Variants in CCDC12 observed in about 807,000 individuals in gnomAD.
CCDC12 encodes coiled-coil domain-containing protein 12.
Under a neutral mutation model 25.7 loss-of-function variants are expected in CCDC12, and 28 were observed. The observed-to-expected ratio is 1.09, with a 90% CI of 0.81 to 1.50. CCDC12 has a LOEUF of 1.50. CCDC12 is among the 40% of genes most tolerant of loss of function. The pLI, the probability that CCDC12 is intolerant of heterozygous loss-of-function variation, is 0.00. For missense variants in CCDC12, 198 were observed against 210.0 expected, an observed-to-expected ratio of 0.94 and a Z score of 0.35; for synonymous variants, 75 against 87.7, an observed-to-expected ratio of 0.86 and a Z score of 0.81.
chr3:46,957,992 CACACAT>C (rs1319927234), intron 1 of CCDC12, among the ~76,000 whole-genome samples: 1 of 146,948 alleles, frequency 6.8e-6, no homozygotes, highest in African/African-American at 2.5e-5. Flanking sequence ...CACACACACA[CACACAT>C]ATATATGTAA....
rs200462081 is a variant in CCDC12 at position 46,923,636 on chromosome 3, C to T, written c.277G>A (p.Ala93Thr). ...TCCTCGATGACGGGCTCGGGCTTGG[C>T]GGCCTCCAGCTGCTCCTTCACCTTC... is the stretch of plus-strand genomic sequence containing the variant. ...EEKVKEQLEA[A>T]KPEPVIEEVD... Residue 93 changes from alanine to threonine, a missense_variant, in exon 4 of 7, where the codon GCC becomes ACC. Coordinates refer to ENST00000683445, the MANE Select transcript of CCDC12 (RefSeq NM_001277074.2). The T allele has an allele frequency of 2.8e-4, 438 of 1,580,770 alleles. No homozygotes were observed. The highest frequency in any genetic ancestry group is 3.7e-4 in the Non-Finnish European group (426 of 1,162,890).
At chr3:46,930,731 TC>T (rs2033172242) in intron 2 of CCDC12, among the ~76,000 whole-genome samples, 2 of 151,966 alleles carry the variant, frequency 1.3e-5, no homozygotes, top group South Asian at 4.2e-4. Flanking sequence ...GCTACACACT[TC>T]CCCGTCCATC....
At chr3:46,944,629 C>G (rs2033836077) in intron 1 of CCDC12, among the ~76,000 whole-genome samples, 1 of 152,092 alleles carries the variant, frequency 6.6e-6, no homozygotes. Flanking sequence ...TCTACCACCT[C>G]CTTAGCTCCC....
At chr3:46,973,115 G>A (rs952485103) in intron 1 of CCDC12, among the ~76,000 whole-genome samples, 2 of 151,944 alleles carry the variant, frequency 1.3e-5, no homozygotes, top group African/African-American at 4.8e-5. Context: ...AGCACTTTGG[G>A]AGGCCGAGGT....
chr3:46,924,185 C>T (rs1291183855), intron 3 of CCDC12: 1 of 152,732 alleles, frequency 6.5e-6, no homozygotes, highest in Non-Finnish European at 1.5e-5. Flanking sequence ...GAGGGTCCTG[C>T]CCCTTGGGGA....
rs1011179630 is a variant in CCDC12, at chr3:46,954,109, G to A, written c.97-13044C>T. On this transcript the variant is annotated intron_variant, in intron 1 of 6. Coordinates refer to ENST00000683445, the MANE Select transcript of CCDC12 (RefSeq NM_001277074.2). Reference sequence around the variant, plus strand: ...AACCCCTTCCCCATTGCCTCACAGTGGACAGTCAGAGGAATCAGGCACAGG... The same window carrying A: ...AACCCCTTCCCCATTGCCTCACAGTAGACAGTCAGAGGAATCAGGCACAGG... 1.4e-3 allele frequency among the ~76,000 whole-genome samples: 21 copies of A among 15,510 alleles called. No individual in the cohort carries two copies. The Admixed American group carries it at 0.034, about 25-fold the overall frequency. 10.2% of individuals were successfully genotyped at this position (15,510 alleles called of 152,430 possible).
At chr3:46,949,135 G>C (rs1392719039) in intron 1 of CCDC12, among the ~76,000 whole-genome samples, 3 of 152,184 alleles carry the variant, frequency 2.0e-5, no homozygotes, top group African/African-American at 7.2e-5. Flanking sequence ...GATTCTCAAG[G>C]GGGTGGTGAC....
At chr3:46,960,461 C>T (rs1277653757) in intron 1 of CCDC12, among the ~76,000 whole-genome samples, 1 of 152,292 alleles carries the variant, frequency 6.6e-6, no homozygotes, top group East Asian at 1.9e-4. Context: ...GGTGCCCTGC[C>T]CTGAAAACAA....
At chr3:46,937,610 C>T (rs1438410635) in intron 2 of CCDC12, among the ~76,000 whole-genome samples, 2 of 152,224 alleles carry the variant, frequency 1.3e-5, no homozygotes, top group African/African-American at 2.4e-5. Context: ...GGGGCTATGG[C>T]CTAGGGGGTT....
chr3:46,977,523 C>T (rs2035032990), upstream of CCDC12, among the ~76,000 whole-genome samples: 1 of 150,332 alleles, frequency 6.7e-6, no homozygotes, highest in African/African-American at 2.4e-5. Context: ...ACTTCGATCC[C>T]ACCCTAATAC....
chr3:46,964,221 A>G (rs1473579335), intron 1 of CCDC12, among the ~76,000 whole-genome samples: 1 of 149,094 alleles, frequency 6.7e-6, no homozygotes, highest in African/African-American at 2.5e-5. Context: ...TCTGCCCGGC[A>G]GCTGCCCCGT....
At chr3:46,960,831 T>C (rs1214458747) in intron 1 of CCDC12, among the ~76,000 whole-genome samples, 1 of 152,026 alleles carries the variant, frequency 6.6e-6, no homozygotes, top group Non-Finnish European at 1.5e-5. Context: ...CTGCTGAAGG[T>C]GTATGTGTAG....
At chr3:46,972,201 G>A (rs1041077503) in intron 1 of CCDC12, among the ~76,000 whole-genome samples, 1 of 152,230 alleles carries the variant, frequency 6.6e-6, no homozygotes, top group Non-Finnish European at 1.5e-5. Context: ...AGGTGCGGTG[G>A]TTCACACCTG....
intron 5 of CCDC12, 92 bp from the exon 6 acceptor site, chr3:46,922,404 G>C (rs1262532394): frequency 1.4e-6 from 2 of 1,426,244 alleles, no homozygotes; most frequent in East Asian, 2.3e-5. Context: ...CTGGCATTAG[G>C]AGTCATGCTC....
intron 2 of CCDC12, among the ~76,000 whole-genome samples, chr3:46,925,864 G>T (rs1480218792): frequency 6.6e-6 from 1 of 152,248 alleles, no homozygotes; most frequent in East Asian, 1.9e-4. Context: ...TAAGGGGACT[G>T]GAGGTCAGAG....
At chr3:46,969,792 G>A (rs2034748588) in intron 1 of CCDC12, among the ~76,000 whole-genome samples, 3 of 152,150 alleles carry the variant, frequency 2.0e-5, no homozygotes, top group Admixed American at 6.6e-5. Context: ...AAGTCAGGCT[G>A]AAGGGAGCAA....
At chr3:46,953,347 C>T (rs559913199) in intron 1 of CCDC12, among the ~76,000 whole-genome samples, 5 of 152,172 alleles carry the variant, frequency 3.3e-5, no homozygotes, top group African/African-American at 9.6e-5. Context: ...GGGTAAGAGT[C>T]CTATATTACA....
In CCDC12 at chr3:46,941,115, C is replaced by T; in HGVS notation, c.97-50G>A. On this transcript the variant is annotated intron_variant, in intron 1 of 6. Coordinates refer to ENST00000683445, the MANE Select transcript of CCDC12 (RefSeq NM_001277074.2). ...CAGCTCAGTTGAAAGCTCCTACTTC[C>T]AGTCCACGTGGCCCAGGGAGCTAAA... 3.8e-6 allele frequency: 6 copies of T among 1,576,502 alleles called. No homozygotes were observed. The South Asian group carries it at 5.5e-5, about 15-fold the overall frequency.
chr3:46,978,391 G>T (rs1337289267), upstream of CCDC12, among the ~76,000 whole-genome samples: 1 of 152,134 alleles, frequency 6.6e-6, no homozygotes, highest in African/African-American at 2.4e-5. Context: ...GGCCAACCAA[G>T]GTCTAGGAGT....
Sources: gnomAD v4.1 joint callset for allele counts (sites outside exome capture counted in the v4.1 genomes callset) on GRCh38, gnomAD v4.1.1 for gene constraint, MANE v1.5 for transcripts, NCBI Gene and HGNC (gene_info 2026-07-23, HGNC 2026-07-21) for gene names.